Variants in LRP1B observed in about 807,000 individuals in gnomAD.
LRP1B encodes low-density lipoprotein receptor-related protein 1B.
In LRP1B, 217 loss-of-function variants were observed where a neutral mutation model predicts 556.6. That is an observed-to-expected ratio of 0.39 (90% CI 0.35 to 0.44). The LOEUF is 0.44. Among genes scored for constraint, LRP1B ranks in the 20% least tolerant of loss-of-function variants. The pLI is 1.00. For synonymous variants in LRP1B, 2,047 were observed against 1,865.8 expected, an observed-to-expected ratio of 1.10 and a Z score of -2.50; for missense variants, 5,053 against 5,620.8, an observed-to-expected ratio of 0.90 and a Z score of 3.23.
chr2:141,544,342 TCTTC>T (rs1406698168), intron 2 of LRP1B, among the ~76,000 whole-genome samples: 2 of 87,396 alleles, frequency 2.3e-5, no homozygotes, highest in South Asian at 5.8e-4. Flanking sequence ...TTCTTCTTCT[TCTTC>T]TTCTTCTTCT....
intron 3 of LRP1B, among the ~76,000 whole-genome samples, chr2:141,373,968 CAT>C (rs1689335341): frequency 6.6e-6 from 1 of 151,842 alleles, no homozygotes; most frequent in Admixed American, 6.6e-5. Flanking sequence ...TATATTTTCA[CAT>C]GTTTTTGTGA....
At chr2:141,522,853 T>C (rs1227969132) in intron 2 of LRP1B, among the ~76,000 whole-genome samples, 1 of 152,142 alleles carries the variant, frequency 6.6e-6, no homozygotes. Context: ...CTGTGAGCAA[T>C]ACCACTTGAG....
At chr2:140,898,393 C>T (rs142694131) in intron 23 of LRP1B, 2,904 of 161,986 alleles carry the variant, frequency 0.018, 34 homozygotes, top group Non-Finnish European at 0.027. Context: ...GCAGCTGAGC[C>T]ATAGCAGGGA....
intron 41 of LRP1B, among the ~76,000 whole-genome samples, chr2:140,607,069 A>G (rs1452912352): frequency 6.6e-6 from 1 of 152,122 alleles, no homozygotes; most frequent in African/African-American, 2.4e-5. Context: ...TGAATAAATA[A>G]TGAATGCTTT....
intron 35 of LRP1B, among the ~76,000 whole-genome samples, chr2:140,749,102 T>C (rs1688480823): frequency 1.3e-5 from 2 of 151,614 alleles, no homozygotes; most frequent in African/African-American, 2.4e-5. Context: ...TCTAAACATA[T>C]CTAAACTTAG....
chr2:141,224,149 G>GACAC (rs143871429), intron 6 of LRP1B, among the ~76,000 whole-genome samples: 10,431 of 137,694 alleles, frequency 0.076, 435 homozygotes, highest in South Asian at 0.12. Flanking sequence ...TAAACAAATT[G>GACAC]ACACACACAC....
At chr2:140,353,180 T>C (rs2105122750) in intron 75 of LRP1B, 108 bp from the exon 76 acceptor site, 1 of 1,115,068 alleles carries the variant, frequency 9.0e-7, no homozygotes, top group Non-Finnish European at 1.3e-6. Context: ...ACTAGCTTTA[T>C]TGTCCTTTCA....
chr2:141,332,814 C>A (rs1313662234), intron 3 of LRP1B, among the ~76,000 whole-genome samples: 42 of 142,402 alleles, frequency 2.9e-4, no homozygotes, highest in Non-Finnish European at 2.6e-4. Context: ...TTTAAAAATG[C>A]AAAAAAAAAA....
intron 11 of LRP1B, among the ~76,000 whole-genome samples, chr2:141,033,356 A>G: frequency 6.6e-6 from 1 of 152,044 alleles, no homozygotes; most frequent in South Asian, 2.1e-4. Flanking sequence ...ACAGGAAGTC[A>G]TTGGAAAGTT....
At chr2:141,812,966 T>G (rs555769032) in intron 1 of LRP1B, among the ~76,000 whole-genome samples, 2 of 152,030 alleles carry the variant, frequency 1.3e-5, no homozygotes, top group Non-Finnish European at 1.5e-5. Flanking sequence ...CATGTGTACA[T>G]GTGTCTGTGA....
chr2:140,759,242 A>C (rs1688839728), intron 35 of LRP1B, among the ~76,000 whole-genome samples: 3 of 152,142 alleles, frequency 2.0e-5, no homozygotes. Flanking sequence ...AATAGTCAAA[A>C]AGCTGGCACA....
chr2:141,841,418 T>TA (rs1376249409), intron 1 of LRP1B, among the ~76,000 whole-genome samples: 1 of 152,128 alleles, frequency 6.6e-6, no homozygotes, highest in African/African-American at 2.4e-5. Context: ...AATTGAGTGT[T>TA]AAAATGGAAA....
intron 1 of LRP1B, among the ~76,000 whole-genome samples, chr2:141,943,802 T>A (rs1350052251): frequency 6.6e-6 from 1 of 152,108 alleles, no homozygotes; most frequent in Admixed American, 6.6e-5. Context: ...TGTCCCAGCA[T>A]CATAATGTAG....
chr2:142,064,268 T>A (rs1192126186), intron 1 of LRP1B, among the ~76,000 whole-genome samples: 1 of 151,544 alleles, frequency 6.6e-6, no homozygotes, highest in Non-Finnish European at 1.5e-5. Flanking sequence ...TGATTAATAT[T>A]GCAACTCTCC....
intron 32 of LRP1B, among the ~76,000 whole-genome samples, chr2:140,796,825 A>G (rs892120266): frequency 1.3e-5 from 2 of 152,128 alleles, no homozygotes; most frequent in African/African-American, 2.4e-5. Context: ...TGAAAGTGCA[A>G]TACAAGTGTA....
chr2:140,550,567 A>G (rs1680511668), intron 43 of LRP1B, among the ~76,000 whole-genome samples: 2 of 152,148 alleles, frequency 1.3e-5, no homozygotes, highest in African/African-American at 4.8e-5. Context: ...TGCAGGACAC[A>G]CTGCTGTAAA....
intron 2 of LRP1B, among the ~76,000 whole-genome samples, chr2:141,731,493 C>G (rs1574295397): frequency 6.6e-6 from 1 of 151,998 alleles, no homozygotes; most frequent in Non-Finnish European, 1.5e-5. Flanking sequence ...CATTGTTTGC[C>G]TTCATATTTT....
chr2:142,093,340 T>C (rs550408555), intron 1 of LRP1B, among the ~76,000 whole-genome samples: 2 of 152,126 alleles, frequency 1.3e-5, no homozygotes, highest in African/African-American at 4.8e-5. Flanking sequence ...GACCACAAAA[T>C]GTGTGAAATA....
chr2:140,725,812 C>T (rs1313222498), intron 35 of LRP1B, among the ~76,000 whole-genome samples: 2 of 152,002 alleles, frequency 1.3e-5, no homozygotes, highest in East Asian at 1.9e-4. Context: ...TTGACTCCTC[C>T]CTCTTCTTCT....
Sources: gnomAD v4.1 joint callset for allele counts (sites outside exome capture counted in the v4.1 genomes callset) on GRCh38, gnomAD v4.1.1 for gene constraint, MANE v1.5 for transcripts, NCBI Gene and HGNC (gene_info 2026-07-23, HGNC 2026-07-21) for gene names.